DHX34: variants seen among roughly 807,000 people sequenced by gnomAD.
DHX34 encodes the protein DExH-box helicase 34.
DHX34 carries 96 observed loss-of-function variants against 111.1 expected under a neutral mutation model. The ratio of observed to expected loss-of-function variants is 0.86; its 90% CI spans 0.73 to 1.02. DHX34 has a LOEUF of 1.02. DHX34 is among the 50% of genes least tolerant of loss of function. The probability of loss-of-function intolerance (pLI) is 0.00; values close to 1 mark genes in which losing one functional copy is unlikely to be tolerated. For synonymous variants in DHX34, 688 were observed against 670.4 expected, an observed-to-expected ratio of 1.03 and a Z score of -0.41; for missense variants, 1,560 against 1,579.9, an observed-to-expected ratio of 0.99 and a Z score of 0.21.
intron 7 of DHX34, among the ~76,000 whole-genome samples, chr19:47,368,376 G>A (rs888821231): frequency 2.2e-5 from 3 of 138,210 alleles, no homozygotes; most frequent in Non-Finnish European, 3.0e-5. Context: ...GTGCCATCTC[G>A]GCTCACCACA....
rs778070674 is a variant in DHX34 at position 47,377,184 on chromosome 19, G to A, written c.2684G>A (p.Cys895Tyr). 2.5e-6 allele frequency: 4 copies of A among 1,613,780 alleles called. No homozygotes were observed. In the South Asian group the frequency reaches 4.4e-5, roughly 18 times the overall value. Residue 895 changes from cysteine to tyrosine, a missense_variant, in exon 13 of 17, where the codon TGC (cysteine) becomes TAC (tyrosine). Physicochemically the swap from Cys to Tyr is radical, Grantham distance 194 (BLOSUM62 -2). Coordinates refer to ENST00000328771, the MANE Select transcript of DHX34 (RefSeq NM_014681.6). ...LETNKPYLVNCVRIPALQSLL... is the reference protein window; with the variant it reads ...LETNKPYLVNYVRIPALQSLL... ...ACCAACAAGCCGTACCTGGTGAACT[G>A]CGTCCGCATCCCTGCCCTCCAGGTG...
chr19:47,362,883 A>G (rs901386232), intron 6 of DHX34, among the ~76,000 whole-genome samples, 190 bp downstream of exon 6: 7 of 151,670 alleles, frequency 4.6e-5, no homozygotes, highest in Non-Finnish European at 8.8e-5. Context: ...TGATCCTCCT[A>G]CCTCCACCTG....
In DHX34 at chr19:47,353,191, C is replaced by T; in HGVS notation, c.161C>T (p.Ser54Phe). 1 of 1,614,156 alleles carries T rather than the reference C, an allele frequency of 6.2e-7. No individual in the cohort carries two copies. The highest frequency in any genetic ancestry group is 8.5e-7 in the Non-Finnish European group (1 of 1,180,040). ...FREEDYIRQGSEECQKFWTFF... is the reference protein window; with the variant it reads ...FREEDYIRQGFEECQKFWTFF... ...GAAGAGGATTACATCCGTCAGGGTT[C>T]TGAGGAATGTCAGAAGTTTTGGACC... Residue 54 changes from serine (S) to phenylalanine (F), a missense_variant, in exon 2 of 17, where the codon TCT becomes TTT. Physicochemically the swap from Ser to Phe is radical, Grantham distance 155 (BLOSUM62 -2). Coordinates refer to ENST00000328771, the MANE Select transcript of DHX34 (RefSeq NM_014681.6). This position sits in a 1 kb window ranked among gnomAD's most constrained non-coding sequence, Gnocchi z 4.6.
Position 47,353,946 on chromosome 19 carries a change from T to C in DHX34, c.705+211T>C, listed in dbSNP as rs7249529. Among the ~76,000 whole-genome samples the C allele has an allele frequency of 0.1, 15,248 of 152,108 alleles. 1,066 individuals are homozygous for C. The highest frequency in any genetic ancestry group is 0.2 in the African/African-American group (8,089 of 41,476). On this transcript the variant is annotated intron_variant, in intron 2 of 16. Transcript: ENST00000328771. This position sits in a 1 kb window ranked among gnomAD's most constrained non-coding sequence, Gnocchi z 4.6. ...GTGTAGCACTTTAACAGCAAAACAA[T>C]GGGAAATGTCCTAAAGGCTCATCAC...
At chr19:47,362,290 A>AT in intron 5 of DHX34, 186 bp from the exon 6 acceptor site, 20 of 663,856 alleles carry the variant, frequency 3.0e-5, no homozygotes, top group Non-Finnish European at 3.7e-5. Flanking sequence ...AAAAAAAAAA[A>AT]GATGTGTGAG....
chr19:47,367,422 A>T (rs1312654042), intron 7 of DHX34, among the ~76,000 whole-genome samples: 1 of 152,208 alleles, frequency 6.6e-6, no homozygotes, highest in Non-Finnish European at 1.5e-5. Context: ...AGTAGATCAG[A>T]TGGTGCCTAG....
At chr19:47,355,798 G>C (rs554130680) in intron 3 of DHX34, among the ~76,000 whole-genome samples, 3 of 152,068 alleles carry the variant, frequency 2.0e-5, no homozygotes, top group African/African-American at 7.2e-5. Context: ...CTTGCAGTGA[G>C]CCGAGATCGC....
chr19:47,350,325 G>T (rs1051202965), intron 1 of DHX34, among the ~76,000 whole-genome samples: 6 of 152,118 alleles, frequency 3.9e-5, no homozygotes, highest in African/African-American at 1.4e-4. Context: ...GATCACTTGA[G>T]CTTGGGAGGT....
At chr19:47,370,547 T>C (rs1969932727) in intron 7 of DHX34, among the ~76,000 whole-genome samples, 1 of 152,194 alleles carries the variant, frequency 6.6e-6, no homozygotes, top group Non-Finnish European at 1.5e-5. Context: ...GGACCACCCA[T>C]GTATGTGTGT....
chr19:47,373,738 A>G, intron 9 of DHX34, 38 bp downstream of exon 9: 2 of 1,599,720 alleles, frequency 1.3e-6, no homozygotes, highest in Non-Finnish European at 1.7e-6. Context: ...GGCCCCACTC[A>G]GGCAGACGTG....
chr19:47,364,801 CAGAG>C (rs1042977766), intron 6 of DHX34, among the ~76,000 whole-genome samples: 1 of 152,066 alleles, frequency 6.6e-6, no homozygotes, highest in South Asian at 2.1e-4. Context: ...AAGAAGGATG[CAGAG>C]AGAGAGAAAA....
rs181267350 is a variant in DHX34 at position 47,349,361 on chromosome 19, G to A, written c.-278+9G>A. 2 of 152,638 alleles carry A rather than the reference G, an allele frequency of 1.3e-5. No homozygotes were observed. Among genetic ancestry groups the A allele is most frequent in the South Asian group, 2.0e-4 (1 of 4,892 alleles). The allele number at this position is 152,638 out of a possible 1,614,324, so 9.5% of individuals were successfully genotyped here. ...GGCGTTCGCGGCGTGTGGTAAGTGA[G>A]GGGGGCGGGACGGGTGTACCGGGTT... On this transcript the variant is annotated intron_variant, in intron 1 of 16. Coordinates refer to ENST00000328771, the MANE Select transcript of DHX34 (RefSeq NM_014681.6).
intron 12 of DHX34, 22 bp downstream of exon 12, chr19:47,376,582 G>A: frequency 6.5e-7 from 1 of 1,548,850 alleles, no homozygotes; most frequent in Non-Finnish European, 8.7e-7. Context: ...CCAGGCGGAA[G>A]GAACCCCCAT....
intron 4 of DHX34, among the ~76,000 whole-genome samples, chr19:47,358,877 A>G (rs1969541598): frequency 6.6e-6 from 1 of 152,082 alleles, no homozygotes; most frequent in South Asian, 2.1e-4. Context: ...CAGCCTCCCA[A>G]AGTGCTGGGG....
In DHX34 at chr19:47,377,166, A is replaced by T. The variant is rs1460697534; in HGVS notation, c.2666A>T (p.Lys889Met). 6.2e-7 allele frequency: 1 copy of T among 1,613,950 alleles called. No homozygotes were observed. The highest frequency in any genetic ancestry group is 1.6e-4 in the Middle Eastern group (1 of 6,062). ...TTCGTGTCCCTGCTGGAGACCAACAAGCCGTACCTGGTGAACTGCGTCCGC... is the reference window on the plus strand; with the variant it reads ...TTCGTGTCCCTGCTGGAGACCAACATGCCGTACCTGGTGAACTGCGTCCGC... ...LSFVSLLETN[K>M]PYLVNCVRIP... The change falls in exon 13 of 17, where the codon AAG (lysine) becomes ATG (methionine). Residue 889 changes from lysine (K) to methionine (M), a missense_variant. Lys to Met is a moderately conservative substitution (Grantham distance 95). Transcript: ENST00000328771.
At chr19:47,366,323 C>CA (rs1198215411) in intron 6 of DHX34, among the ~76,000 whole-genome samples, 1 of 146,514 alleles carries the variant, frequency 6.8e-6, no homozygotes, top group Non-Finnish European at 1.5e-5. Context: ...CTCTGTGGCC[C>CA]AGGCTGGAGT....
At chr19:47,379,464 CT>C in intron 13 of DHX34, 1 of 356,826 alleles carries the variant, frequency 2.8e-6, no homozygotes. Flanking sequence ...AGCTGTCTCT[CT>C]CCCAGCACGC....
intron 13 of DHX34, chr19:47,379,505 C>T: frequency 2.3e-6 from 2 of 869,200 alleles, no homozygotes; most frequent in Non-Finnish European, 2.8e-6. Flanking sequence ...ACCCCAGCCC[C>T]CTTCCCTGAC....
In DHX34 at chr19:47,375,662, G is replaced by T; in HGVS notation, c.2261G>T (p.Arg754Met). Residue 754 changes from arginine to methionine, a missense_variant, in exon 10 of 17, where the codon AGG (arginine) becomes ATG (methionine). Physicochemically the swap from Arg to Met is moderately conservative, Grantham distance 91. Coordinates refer to ENST00000328771, the MANE Select transcript of DHX34 (RefSeq NM_014681.6). The stretch of plus-strand genomic sequence containing the variant: ...GACGGCGGCTCCAGTGACGAGGACA[G>T]GGCTGGCCCAGCCCCCCCAGGGGCC... The part of the protein sequence containing the change: ...EQDGGSSDED[R>M]AGPAPPGASD... 6.4e-7 allele frequency: 1 copy of T among 1,557,300 alleles called. No homozygotes were observed. The highest frequency in any genetic ancestry group is 2.4e-5 in the East Asian group (1 of 42,188).
Sources: allele counts gnomAD v4.1 joint callset (sites outside exome capture counted in the v4.1 genomes callset), GRCh38; gene constraint gnomAD v4.1.1; non-coding constraint Gnocchi (gnomAD v3.1); transcripts MANE v1.5; gene names NCBI Gene and HGNC (gene_info 2026-07-23, HGNC 2026-07-21).